Variants in PRPF8 observed in about 807,000 individuals in gnomAD.
The protein encoded by PRPF8 is pre-mRNA-processing-splicing factor 8.
In PRPF8, 64 loss-of-function variants were observed where a neutral mutation model predicts 285.9. The observed-to-expected ratio is 0.22, with a 90% CI of 0.18 to 0.28. PRPF8 has a LOEUF of 0.28. PRPF8 is among the 10% of genes least tolerant of loss of function. The pLI is 1.00. For missense variants in PRPF8, 1,426 were observed against 3,026.7 expected (o/e 0.47, Z 12.41); for synonymous variants, 1,325 against 1,118.2 (o/e 1.18, Z -3.69).
chr17:1,677,204 G>A (rs758904281), intron 14 of PRPF8, 32 bp from the exon 15 acceptor site: 1 of 1,602,164 alleles, frequency 6.2e-7, no homozygotes. Context: ...GGGATTACAA[G>A]GAAGATTCCT....
intron 36 of PRPF8, among the ~76,000 whole-genome samples, chr17:1,655,924 C>CTT (rs76782744): frequency 1.8e-4 from 21 of 119,510 alleles, no homozygotes; most frequent in East Asian, 7.4e-4. Context: ...TGCGCCCGGC[C>CTT]TTTTTTTTTT....
rs887559763 is a variant in PRPF8, at chr17:1,669,157, G to A, written c.3774+3924C>T. Among the ~76,000 whole-genome samples, 7 of 152,080 alleles carry A rather than the reference G, an allele frequency of 4.6e-5. No homozygotes were observed. The East Asian group carries it at 5.8e-4, about 13-fold the overall frequency. ...AGTCTTGCTCTGTCGCCGAGGCTGG[G>A]GTGCAGTGGCACGATCTTGGCTCAC... On this transcript the variant is annotated intron_variant, in intron 24 of 42. Transcript: ENST00000304992.
intron 24 of PRPF8, among the ~76,000 whole-genome samples, chr17:1,667,702 C>G (rs1232313035): frequency 6.6e-6 from 1 of 152,034 alleles, no homozygotes; most frequent in African/African-American, 2.4e-5. Context: ...TGCCACCACG[C>G]CTGGCTAATT....
In PRPF8 at chr17:1,659,301, C is replaced by A; in HGVS notation, c.5138+56G>T. On this transcript the variant is annotated intron_variant, in intron 32 of 42. Transcript: ENST00000304992. This position sits in a 1 kb window ranked among gnomAD's most constrained non-coding sequence, Gnocchi z 5.1. Reference sequence around the variant, plus strand: ...GCGGCCTCCCAAAGTGCTGGGATTACAGGTGTGAGCCACTGCGCCTGGCCT... The same window carrying A: ...GCGGCCTCCCAAAGTGCTGGGATTAAAGGTGTGAGCCACTGCGCCTGGCCT... 1 of 1,598,694 alleles carries A rather than the reference C, an allele frequency of 6.3e-7. No individual in the cohort carries two copies. Among genetic ancestry groups the A allele is most frequent in the Non-Finnish European group, 8.6e-7 (1 of 1,167,256 alleles).
intron 24 of PRPF8, among the ~76,000 whole-genome samples, chr17:1,672,301 T>TA (rs547792414): frequency 3.9e-5 from 6 of 152,280 alleles, no homozygotes; most frequent in Non-Finnish European, 8.8e-5. Context: ...TATTTTGAGA[T>TA]AGAGTTTTTG....
Position 1,655,553 on chromosome 17 carries a change from G to T in PRPF8, c.5794-10C>A. ...TGAGACGGGAGAAGGCCTGGGAAAA[G>T]ATTTGGAAGAGTGGGGTAGGTCAGC... On this transcript the variant is annotated splice_polypyrimidine_tract_variant and intron_variant, in intron 36 of 42. Coordinates refer to ENST00000304992, the MANE Select transcript of PRPF8 (RefSeq NM_006445.4). 2.5e-6 allele frequency: 4 copies of T among 1,607,162 alleles called. No homozygotes were observed. Among genetic ancestry groups the T allele is most frequent in the Non-Finnish European group, 2.6e-6 (3 of 1,173,702 alleles).
chr17:1,677,843 T>C, intron 13 of PRPF8, 149 bp from the exon 14 acceptor site: 2 of 1,012,586 alleles, frequency 2.0e-6, no homozygotes, highest in Non-Finnish European at 2.9e-6. Flanking sequence ...AAAAAAACTC[T>C]GGGACCTCAA....
chr17:1,670,595 T>C (rs1403384799), intron 24 of PRPF8, among the ~76,000 whole-genome samples: 2 of 152,176 alleles, frequency 1.3e-5, no homozygotes, highest in Non-Finnish European at 2.9e-5. Flanking sequence ...CCAGCGATTC[T>C]CCTGCCTCAG....
Position 1,683,715 on chromosome 17 carries a change from T to C in PRPF8, c.101-14A>G. 8 of 1,613,546 alleles carry C rather than the reference T, an allele frequency of 5.0e-6. No homozygotes were observed. Reference sequence around the variant, plus strand: ...GCCATTTTCGAGCTGGAAAGGCACCTCAGTTTAAAGGCCTGCACACCCTCC... The same window carrying C: ...GCCATTTTCGAGCTGGAAAGGCACCCCAGTTTAAAGGCCTGCACACCCTCC... On this transcript the variant is annotated splice_polypyrimidine_tract_variant and intron_variant, in intron 2 of 42. Coordinates refer to ENST00000304992, the MANE Select transcript of PRPF8 (RefSeq NM_006445.4).
Position 1,676,856 on chromosome 17 carries a change from C to A in PRPF8, c.2181+120G>T. On this transcript the variant is annotated intron_variant, in intron 15 of 42. Coordinates refer to ENST00000304992, the MANE Select transcript of PRPF8 (RefSeq NM_006445.4). The surrounding 1 kb of genome is among the most constrained non-coding windows in gnomAD (Gnocchi z 6.3). The stretch of plus-strand genomic sequence containing the variant: ...CCTAAGCAACATGGTGCTTCTTTTC[C>A]CTGTCTAAAAGGGAAAAGAAAAGAG... 1 of 1,489,296 alleles carries A rather than the reference C, an allele frequency of 6.7e-7. No homozygotes were observed. Among genetic ancestry groups the A allele is most frequent in the Non-Finnish European group, 9.3e-7 (1 of 1,078,334 alleles). 92.3% of individuals were successfully genotyped at this position (1,489,296 alleles called of 1,614,324 possible). A position where few individuals can be genotyped will look rare whatever the true frequency, so the allele number is the denominator to read the frequency against.
Position 1,679,597 on chromosome 17 carries a change from GA to G in PRPF8, c.1289+11del, listed in dbSNP as rs1446187277. Reference sequence around the variant, plus strand: ...CCACTATCATTCCCCCTGCCACAGGGAAAAACCTTACCAGTTCTTGACAAGG... The same window carrying G: ...CCACTATCATTCCCCCTGCCACAGGGAAAACCTTACCAGTTCTTGACAAGG... On this transcript the variant is annotated intron_variant, in intron 9 of 42. Coordinates refer to ENST00000304992, the MANE Select transcript of PRPF8 (RefSeq NM_006445.4). This position sits in a 1 kb window ranked among gnomAD's most constrained non-coding sequence, Gnocchi z 4.7. The G allele has an allele frequency of 6.2e-7, 1 of 1,612,900 alleles. No individual in the cohort carries two copies. Among genetic ancestry groups the G allele is most frequent in the East Asian group, 2.2e-5 (1 of 44,890 alleles).
rs780402057 is a variant in PRPF8 at position 1,658,271 on chromosome 17, T to C, written c.5487A>G (p.Gly1829=). The change falls in exon 34 of 43, where the codon GGA becomes GGG. Residue 1829 remains glycine, a synonymous_variant. Coordinates refer to ENST00000304992, the MANE Select transcript of PRPF8 (RefSeq NM_006445.4). This position sits in a 1 kb window ranked among gnomAD's most constrained non-coding sequence, Gnocchi z 4.1. ...TGCTCACCTGCCCCAAACGCTTCTG[T>C]CCCGCCCACACGGACGTGTGGATTA... is the stretch of plus-strand genomic sequence containing the variant. ...LKIIHTSVWA[G]QKRLGQLAKW... 1 of 1,614,142 alleles carries C rather than the reference T, an allele frequency of 6.2e-7. No homozygotes were observed. Among genetic ancestry groups the C allele is most frequent in the East Asian group, 2.2e-5 (1 of 44,892 alleles).
intron 13 of PRPF8, 82 bp downstream of exon 13, chr17:1,678,436 T>C: frequency 6.3e-7 from 1 of 1,575,810 alleles, no homozygotes; most frequent in Non-Finnish European, 8.7e-7. Context: ...TGAGCCAAGA[T>C]CGTGCCATTG....
At position 1,656,335 on chromosome 17, in the gene PRPF8, TCTC is replaced by T. The variant is rs1227545507; in HGVS notation, c.5793+54_5793+56del. The T allele has an allele frequency of 3.1e-6, 5 of 1,607,224 alleles. No homozygotes were observed. The African/African-American group carries it at 6.7e-5, about 21-fold the overall frequency. ...ATGGCAAAAACCTGACACAGGATCT[TCTC>T]CTAACCCTAAACCCGCTCCTCCTCC... On this transcript the variant is annotated intron_variant, in intron 36 of 42. Transcript: ENST00000304992.
rs1210711299 is a variant in PRPF8, at chr17:1,651,956, G to C, written c.6370-168C>G. 1.2e-6 allele frequency: 1 copy of C among 853,520 alleles called. No homozygotes were observed. The highest frequency in any genetic ancestry group is 1.9e-6 in the Non-Finnish European group (1 of 524,382). 52.9% of individuals were successfully genotyped at this position (853,520 alleles called of 1,614,324 possible). A position where few individuals can be genotyped will look rare whatever the true frequency, so the allele number is the denominator to read the frequency against. On this transcript the variant is annotated intron_variant, in intron 39 of 42. Transcript: ENST00000304992. This position sits in a 1 kb window ranked among gnomAD's most constrained non-coding sequence, Gnocchi z 5.1. ...GCTGGGGTGCTTGTTCAAAATGTTA[G>C]ACATGGACCTCATCGCGGACTTACC...
At chr17:1,665,846 A>C (rs1452172812) in intron 24 of PRPF8, among the ~76,000 whole-genome samples, 2 of 127,782 alleles carry the variant, frequency 1.6e-5, no homozygotes, top group African/African-American at 7.4e-5. Context: ...ACTCCATCTC[A>C]AAAAAAAAAA....
chr17:1,678,382 C>CTGAG (rs1912726855), intron 13 of PRPF8, 136 bp downstream of exon 13: 1 of 1,153,688 alleles, frequency 8.7e-7, no homozygotes, highest in East Asian at 2.4e-5. Flanking sequence ...ACTCGGGAGG[C>CTGAG]TGAGGCAGGA....
intron 3 of PRPF8, among the ~76,000 whole-genome samples, 200 bp from the exon 4 acceptor site, chr17:1,682,493 A>G (rs1912984970): frequency 1.3e-5 from 2 of 152,164 alleles, no homozygotes; most frequent in Non-Finnish European, 2.9e-5. Flanking sequence ...CTTAAACGTC[A>G]TAATCCCACA....
chr17:1,654,964 T>TG lies in PRPF8; in HGVS notation c.5987+385_5987+386insC, dbSNP rs1911283777. Reference sequence around the variant, plus strand: ...ATAATTTCTTGAGAAACGTCTTTTTTTTTTTTTTTTTTGGAGACAGTCTCA... The same window carrying TG: ...ATAATTTCTTGAGAAACGTCTTTTTTGTTTTTTTTTTTTGGAGACAGTCTCA... On this transcript the variant is annotated intron_variant, in intron 37 of 42. Transcript: ENST00000304992. The TG allele has an allele frequency of 3.0e-5, 6 of 198,268 alleles. No homozygotes were observed. The South Asian group carries it at 5.1e-4, about 17-fold the overall frequency. 12.3% of individuals were successfully genotyped at this position (198,268 alleles called of 1,614,324 possible).
Sources: allele counts gnomAD v4.1 joint callset (sites outside exome capture counted in the v4.1 genomes callset), GRCh38; gene constraint gnomAD v4.1.1; non-coding constraint Gnocchi (gnomAD v3.1); transcripts MANE v1.5; gene names NCBI Gene and HGNC (gene_info 2026-07-23, HGNC 2026-07-21).